Variants in PLEKHO2 observed in about 807,000 individuals in gnomAD.
PLEKHO2 encodes the protein pleckstrin homology domain containing O2, also known as pleckstrin homology domain-containing family O member 2.
Under a neutral mutation model 32.7 loss-of-function variants are expected in PLEKHO2, and 20 were observed. The observed-to-expected ratio is 0.61, with a 90% confidence interval of 0.43 to 0.89. The LOEUF (loss-of-function observed/expected upper bound fraction) is 0.89. Ranked by LOEUF, PLEKHO2 falls within the 40% of genes least tolerant of loss-of-function variation. The probability of loss-of-function intolerance (pLI) is 0.00; values close to 1 mark genes in which losing one functional copy is unlikely to be tolerated. For missense variants in PLEKHO2, 568 were observed against 621.2 expected (o/e 0.91, Z 0.91); for synonymous variants, 247 against 246.3 (o/e 1.00, Z -0.03).
intron 1 of PLEKHO2, among the ~76,000 whole-genome samples, chr15:64,842,458 G>T (rs958098900): frequency 2.6e-5 from 4 of 151,584 alleles, no homozygotes; most frequent in African/African-American, 9.7e-5. Context: ...GTATGTGTGT[G>T]TTGGGGGGTT....
At position 64,865,546 on chromosome 15, in the gene PLEKHO2, CT is replaced by C. The variant is rs759368098; in HGVS notation, c.1132del (p.Trp378GlyfsTer39). 5 of 1,614,052 alleles carry C rather than the reference CT, an allele frequency of 3.1e-6. No individual in the cohort carries two copies. Among genetic ancestry groups the C allele is most frequent in the Non-Finnish European group, 3.4e-6 (4 of 1,180,030 alleles). On this transcript the variant is annotated frameshift_variant, in exon 6 of 6. Coordinates refer to ENST00000323544, the MANE Select transcript of PLEKHO2 (RefSeq NM_025201.5). LOFTEE classifies it high-confidence loss of function. ...DATTSTALPPWDLPPQFHPRC... is the reference protein window; with the variant it reads ...DATTSTALPPXDLPPQFHPRC... ...CAACAACATCCACAGCACTGCCCCC[CT>C]GGGACCTGCCACCTCAGTTCCATCC...
In PLEKHO2 at chr15:64,866,889, T is replaced by C. The variant is rs541877859; in HGVS notation, c.*1001T>C. On this transcript the variant is annotated 3_prime_UTR_variant, in exon 6 of 6. Transcript: ENST00000323544. ...TTCTTCAAATGCTGATAGGGGTATGTTGGAATCCGAAGCCACTTCCCCGCC... is the reference window on the plus strand; with the variant it reads ...TTCTTCAAATGCTGATAGGGGTATGCTGGAATCCGAAGCCACTTCCCCGCC... 6.5e-6 allele frequency: 1 copy of C among 152,696 alleles called. No individual in the cohort carries two copies. Among genetic ancestry groups the C allele is most frequent in the Non-Finnish European group, 1.5e-5 (1 of 68,398 alleles). 9.5% of individuals were successfully genotyped at this position (152,696 alleles called of 1,614,324 possible). A position where few individuals can be genotyped will look rare whatever the true frequency, so the allele number is the denominator to read the frequency against.
intron 3 of PLEKHO2, among the ~76,000 whole-genome samples, chr15:64,858,822 G>A (rs1215234305): frequency 1.3e-5 from 2 of 152,082 alleles, no homozygotes; most frequent in African/African-American, 4.8e-5. Flanking sequence ...CAATTCAGCG[G>A]CATTAAATAC....
At chr15:64,842,414 GTGTGTGTGTCGGATCCTGAC>G (rs1273525199) in intron 1 of PLEKHO2, among the ~76,000 whole-genome samples, 1 of 151,540 alleles carries the variant, frequency 6.6e-6, no homozygotes, top group East Asian at 1.9e-4. Context: ...GTGTGTGTGT[GTGTGTGTGTCGGATCCTGAC>G]TGTGTGTGTG....
rs549170731 is a variant in PLEKHO2 at position 64,859,834 on chromosome 15, A to G, written c.280-60A>G. ...GGATCTAGGTAAGGAAGCCTCCTTA[A>G]GATGCCAAATGTGAGCTTTGTTAAA... On this transcript the variant is annotated intron_variant, in intron 3 of 5. Coordinates refer to ENST00000323544, the MANE Select transcript of PLEKHO2 (RefSeq NM_025201.5). 86 of 1,458,738 alleles carry G rather than the reference A, an allele frequency of 5.9e-5. No homozygotes were observed. The South Asian group carries it at 9.5e-4, about 16-fold the overall frequency. 90.4% of individuals were successfully genotyped at this position (1,458,738 alleles called of 1,614,324 possible).
At position 64,865,322 on chromosome 15, in the gene PLEKHO2, C is replaced by G. The variant is rs1407217122; in HGVS notation, c.907C>G (p.Pro303Ala). 6.2e-7 allele frequency: 1 copy of G among 1,613,852 alleles called. No individual in the cohort carries two copies. The highest frequency in any genetic ancestry group is 8.5e-7 in the Non-Finnish European group (1 of 1,179,838). Residue 303 changes from proline (P) to alanine (A), a missense_variant, in exon 6 of 6, where the codon CCC becomes GCC. Pro to Ala is a conservative substitution (Grantham distance 27). Coordinates refer to ENST00000323544, the MANE Select transcript of PLEKHO2 (RefSeq NM_025201.5). ...APCSETSEAA[P>A]REGGKPPTPP... is the part of the protein sequence containing the mutation. Reference sequence around the variant, plus strand: ...CTGTTCTGAGACTTCTGAGGCTGCCCCCAGGGAGGGTGGGAAGCCCCCTAC... The same window carrying G: ...CTGTTCTGAGACTTCTGAGGCTGCCGCCAGGGAGGGTGGGAAGCCCCCTAC...
chr15:64,866,536 T>G lies in PLEKHO2; in HGVS notation c.*648T>G. The G allele has an allele frequency of 2.7e-6, 1 of 372,474 alleles. No homozygotes were observed. 23.1% of individuals were successfully genotyped at this position (372,474 alleles called of 1,614,324 possible). On this transcript the variant is annotated 3_prime_UTR_variant, in exon 6 of 6. Coordinates refer to ENST00000323544, the MANE Select transcript of PLEKHO2 (RefSeq NM_025201.5). ...CTCTCTCTCTTTGGCCCTGTTTCCT[T>G]TTTTGCAAAACAAGGACATTTTCTG...
chr15:64,848,147 A>G lies in PLEKHO2; in HGVS notation c.13-446A>G, dbSNP rs140681304. 4.9e-3 allele frequency among the ~76,000 whole-genome samples: 753 copies of G among 152,296 alleles called. 3 individuals are homozygous for G. Among genetic ancestry groups the G allele is most frequent in the Non-Finnish European group, 7.1e-3 (481 of 68,026 alleles). ...CTGTGATGTTGTAAGCACTCAGTAC[A>G]TTTGTTGACTGATTGAATGAACACA... On this transcript the variant is annotated intron_variant, in intron 1 of 5. Transcript: ENST00000323544.
At chr15:64,846,349 G>A (rs997618323) in intron 1 of PLEKHO2, among the ~76,000 whole-genome samples, 2 of 150,610 alleles carry the variant, frequency 1.3e-5, no homozygotes, top group Non-Finnish European at 2.9e-5. Context: ...GCCTCATCCT[G>A]TTAACCATAC....
At position 64,841,993 on chromosome 15, in the gene PLEKHO2, C is replaced by G. The variant is rs2084487221; in HGVS notation, c.-24C>G. ...GCGGCGCTGGAAGCGAGTGGCGGAG[C>G]GGCGGGACCTCGGCGGACTCGCCAT... On this transcript the variant is annotated 5_prime_UTR_variant, in exon 1 of 6. Transcript: ENST00000323544. 2.4e-6 allele frequency: 3 copies of G among 1,246,142 alleles called. No individual in the cohort carries two copies. The highest frequency in any genetic ancestry group is 3.0e-6 in the Non-Finnish European group (3 of 995,726). The allele number at this position is 1,246,142 out of a possible 1,614,324, so 77.2% of individuals were successfully genotyped here. A position where few individuals can be genotyped will look rare whatever the true frequency, so the allele number is the denominator to read the frequency against.
At chr15:64,843,536 T>C (rs1313868650) in intron 1 of PLEKHO2, among the ~76,000 whole-genome samples, 1 of 152,030 alleles carries the variant, frequency 6.6e-6, no homozygotes, top group Admixed American at 6.6e-5. Context: ...CCGGCTCAGC[T>C]CTGTACACCC....
Position 64,865,417 on chromosome 15 carries a change from T to G in PLEKHO2, c.1002T>G (p.Pro334=). The change falls in exon 6 of 6, where the codon CCT becomes CCG. Residue 334 remains proline (P), a synonymous_variant. Coordinates refer to ENST00000323544, the MANE Select transcript of PLEKHO2 (RefSeq NM_025201.5). ...GTGAGATGCAGGCTTCTGGGCCACCTGCTCCAGGCACAGTGCAGGTCTCAG... is the reference window on the plus strand; with the variant it reads ...GTGAGATGCAGGCTTCTGGGCCACCGGCTCCAGGCACAGTGCAGGTCTCAG... ...SMGEMQASGP[P]APGTVQVSVN... The G allele has an allele frequency of 6.2e-7, 1 of 1,613,932 alleles. No individual in the cohort carries two copies. Among genetic ancestry groups the G allele is most frequent in the Non-Finnish European group, 8.5e-7 (1 of 1,179,866 alleles).
intron 5 of PLEKHO2, 52 bp from the exon 6 acceptor site, chr15:64,864,847 A>C (rs1245559001): frequency 6.5e-7 from 1 of 1,531,868 alleles, no homozygotes; most frequent in African/African-American, 1.4e-5. Context: ...GGCACACCTG[A>C]CCCAATGGCT....
chr15:64,853,519 C>G (rs540435646), intron 2 of PLEKHO2, among the ~76,000 whole-genome samples: 1 of 151,966 alleles, frequency 6.6e-6, no homozygotes, highest in Non-Finnish European at 1.5e-5. Flanking sequence ...TGGTCTCGAT[C>G]TCCTGAACTC....
rs183734056 is a variant in PLEKHO2 at position 64,865,740 on chromosome 15, C to T, written c.1325C>T (p.Thr442Ile). ...GAGCCGGCCCCTGTTAGTGCCGAAA[C>T]ATTGCTCAGCCAGGCTGTGGAGCAG... The part of the protein sequence containing the change: ...GSEPAPVSAE[T>I]LLSQAVEQLR... Residue 442 changes from threonine (T) to isoleucine (I), a missense_variant, in exon 6 of 6, where the codon ACA (threonine) becomes ATA (isoleucine). Transcript: ENST00000323544. The T allele has an allele frequency of 1.2e-6, 2 of 1,614,220 alleles. No individual in the cohort carries two copies. Among genetic ancestry groups the T allele is most frequent in the Non-Finnish European group, 1.7e-6 (2 of 1,180,032 alleles).
chr15:64,853,643 C>T (rs1470087309), intron 2 of PLEKHO2, among the ~76,000 whole-genome samples: 1 of 152,148 alleles, frequency 6.6e-6, no homozygotes, highest in East Asian at 1.9e-4. Flanking sequence ...TGCTGCTGGC[C>T]TAGGTCCCAA....
chr15:64,866,335 C>T lies in PLEKHO2; in HGVS notation c.*447C>T, dbSNP rs2084687218. 2.2e-6 allele frequency: 1 copy of T among 457,930 alleles called. No individual in the cohort carries two copies. The highest frequency in any genetic ancestry group is 2.3e-5 in the Admixed American group (1 of 42,600). 28.4% of individuals were successfully genotyped at this position (457,930 alleles called of 1,614,324 possible). A position where few individuals can be genotyped will look rare whatever the true frequency, so the allele number is the denominator to read the frequency against. ...CTCCAGCTATTCCTAGGCAAAGAGC[C>T]TCATGGCTAAGGCAGCCTCAAAGCC... is the stretch of plus-strand genomic sequence containing the variant. On this transcript the variant is annotated 3_prime_UTR_variant, in exon 6 of 6. Transcript: ENST00000323544.
At position 64,854,911 on chromosome 15, in the gene PLEKHO2, C is replaced by T. The variant is rs748275868; in HGVS notation, c.163-10C>T. ...TCACCAGCTCATGTCCCTTCTGTCT[C>T]CCTCCCCAGGATGATCAGAAGTGTG... On this transcript the variant is annotated splice_polypyrimidine_tract_variant and intron_variant, in intron 2 of 5. Transcript: ENST00000323544. 3.1e-6 allele frequency: 5 copies of T among 1,608,370 alleles called. No homozygotes were observed. In the South Asian group the frequency reaches 5.5e-5, roughly 18 times the overall value.
Position 64,855,041 on chromosome 15 carries a change from G to A in PLEKHO2, c.279+4G>A, listed in dbSNP as rs1230488128. ...GCTGCGATCCCCAGGGAACAAGGTA[G>A]GGCGATGCCTGCTGCTGCCCCATCT... On this transcript the variant is annotated splice_donor_region_variant and intron_variant, in intron 3 of 5. Coordinates refer to ENST00000323544, the MANE Select transcript of PLEKHO2 (RefSeq NM_025201.5). 1 of 1,573,466 alleles carries A rather than the reference G, an allele frequency of 6.4e-7. No individual in the cohort carries two copies. The highest frequency in any genetic ancestry group is 1.2e-5 in the South Asian group (1 of 86,078).
Sources: gnomAD v4.1 joint callset for allele counts (sites outside exome capture counted in the v4.1 genomes callset) on GRCh38, gnomAD v4.1.1 for gene constraint, MANE v1.5 for transcripts, NCBI Gene and HGNC (gene_info 2026-07-23, HGNC 2026-07-21) for gene names.